ANKRD17: variants seen among roughly 807,000 people sequenced by gnomAD.
ANKRD17 encodes ankyrin repeat domain-containing protein 17.
Under a neutral mutation model 229.7 loss-of-function variants are expected in ANKRD17, and 19 were observed. The observed-to-expected ratio is 0.08, with a 90% CI of 0.06 to 0.12. The LOEUF is 0.12. Among genes scored for constraint, ANKRD17 ranks in the 10% least tolerant of loss-of-function variants. ANKRD17 has a pLI of 1.00. For missense variants in ANKRD17, 2,176 were observed against 3,176.8 expected, an observed-to-expected ratio of 0.68 and a Z score of 7.57; for synonymous variants, 1,112 against 1,146.1, an observed-to-expected ratio of 0.97 and a Z score of 0.60.
intron 24 of ANKRD17, 52 bp from the exon 25 acceptor site, chr4:73,102,599 A>G: frequency 6.4e-7 from 1 of 1,560,736 alleles, no homozygotes; most frequent in Non-Finnish European, 8.6e-7. Context: ...ACCCTGGAGA[A>G]GAAGTTGTCA....
rs778548699 is a variant in ANKRD17 at position 73,125,196 on chromosome 4, C to T, written c.3346+5G>A. On this transcript the variant is annotated splice_donor_5th_base_variant and intron_variant, in intron 17 of 33. Coordinates refer to ENST00000358602, the MANE Select transcript of ANKRD17 (RefSeq NM_032217.5). ...TCCAAAAAATAAAACAAAAGTAGGC[C>T]CTACCTTTCTTGTCTCGGTGCTCTA... is the stretch of plus-strand genomic sequence containing the variant. The T allele has an allele frequency of 6.3e-7, 1 of 1,597,224 alleles. No individual in the cohort carries two copies. The highest frequency in any genetic ancestry group is 8.5e-7 in the Non-Finnish European group (1 of 1,175,392).
chr4:73,193,527 T>C (rs1003388137), intron 1 of ANKRD17, among the ~76,000 whole-genome samples: 2 of 152,194 alleles, frequency 1.3e-5, no homozygotes, highest in Non-Finnish European at 1.5e-5. Context: ...TTCTGGCTTT[T>C]CCCCCCTTTG....
intron 1 of ANKRD17, among the ~76,000 whole-genome samples, chr4:73,238,325 G>A (rs1288004907): frequency 6.6e-6 from 1 of 152,076 alleles, no homozygotes; most frequent in African/African-American, 2.4e-5. Context: ...TGAATTAAGA[G>A]GTATAGGAGG....
rs74854669 is a variant in ANKRD17 at position 73,092,086 on chromosome 4, T to C, written c.5542A>G (p.Thr1848Ala). ...TTVALSSTSQ[T>A]ATALTVPAIS... ...GCAGGCACAGTGAGTGCTGTGGCAGTTTGAGATGTTGATGACAGAGCTACA... is the reference window on the plus strand; with the variant it reads ...GCAGGCACAGTGAGTGCTGTGGCAGCTTGAGATGTTGATGACAGAGCTACA... The change falls in exon 29 of 34, where the codon ACT becomes GCT. Residue 1848 changes from threonine to alanine, a missense_variant. By Grantham distance (58) the Thr-to-Ala change is moderately conservative (BLOSUM62 0). This residue lies in a region of ANKRD17 where 142 missense variants were observed against 200.4 expected (regional missense o/e 0.71). Coordinates refer to ENST00000358602, the MANE Select transcript of ANKRD17 (RefSeq NM_032217.5). 1 of 1,614,152 alleles carries C rather than the reference T, an allele frequency of 6.2e-7. No individual in the cohort carries two copies. Among genetic ancestry groups the C allele is most frequent in the Non-Finnish European group, 8.5e-7 (1 of 1,180,024 alleles).
At chr4:73,099,839 C>G (rs1343546168) in intron 25 of ANKRD17, among the ~76,000 whole-genome samples, 4 of 152,296 alleles carry the variant, frequency 2.6e-5, no homozygotes, top group Non-Finnish European at 5.9e-5. Context: ...CCGTTGCCCT[C>G]CACCTGGGAT....
chr4:73,093,418 C>A (rs1722981888), intron 28 of ANKRD17, among the ~76,000 whole-genome samples: 1 of 120,518 alleles, frequency 8.3e-6, no homozygotes, highest in South Asian at 2.5e-4. Flanking sequence ...ACTCTTGTTG[C>A]CCAGGCTGGA....
chr4:73,140,741 T>C (rs959245343), intron 14 of ANKRD17, among the ~76,000 whole-genome samples: 4 of 152,094 alleles, frequency 2.6e-5, no homozygotes, highest in Admixed American at 2.0e-4. Context: ...CACACACACA[T>C]ACACACAAAA....
intron 24 of ANKRD17, among the ~76,000 whole-genome samples, chr4:73,108,691 G>C (rs528504141): frequency 6.6e-6 from 1 of 152,306 alleles, no homozygotes; most frequent in East Asian, 1.9e-4. Context: ...TGAGTTGTGG[G>C]AGTTGAGAGC....
rs149075173 is a variant in ANKRD17, at chr4:73,164,309, C to A, written c.548-2961G>T. Reference sequence around the variant, plus strand: ...GTTTTAAAAAAATCTCACTTTAAATCTTTATGAACTTCTTGTATCTTCATA... The same window carrying A: ...GTTTTAAAAAAATCTCACTTTAAATATTTATGAACTTCTTGTATCTTCATA... On this transcript the variant is annotated intron_variant, in intron 2 of 33. Transcript: ENST00000358602. 2.4e-3 allele frequency among the ~76,000 whole-genome samples: 371 copies of A among 152,306 alleles called. 4 individuals are homozygous for A. Among genetic ancestry groups the A allele is most frequent in the African/African-American group, 7.9e-3 (330 of 41,574 alleles).
At chr4:73,159,507 G>A (rs1020239275) in intron 3 of ANKRD17, among the ~76,000 whole-genome samples, 1 of 152,064 alleles carries the variant, frequency 6.6e-6, no homozygotes, top group African/African-American at 2.4e-5. Flanking sequence ...ATAAAAATGT[G>A]GCACATAGTA....
intron 1 of ANKRD17, among the ~76,000 whole-genome samples, chr4:73,180,509 A>G (rs1735409750): frequency 6.6e-6 from 1 of 152,174 alleles, no homozygotes; most frequent in Non-Finnish European, 1.5e-5. Context: ...ATAAACACAG[A>G]AACATTTACT....
At chr4:73,177,718 A>AT (rs1356481285) in intron 1 of ANKRD17, among the ~76,000 whole-genome samples, 185 bp from the exon 2 acceptor site, 2 of 152,070 alleles carry the variant, frequency 1.3e-5, no homozygotes, top group East Asian at 1.9e-4. Flanking sequence ...AAAAGAAGAA[A>AT]TTTTTTTGTG....
chr4:73,246,719 C>G (rs568956273), intron 1 of ANKRD17, among the ~76,000 whole-genome samples: 1 of 152,052 alleles, frequency 6.6e-6, no homozygotes, highest in South Asian at 2.1e-4. Context: ...TAAAAGGAAG[C>G]AAGATGACCA....
intron 1 of ANKRD17, among the ~76,000 whole-genome samples, chr4:73,193,535 T>C (rs1012878591): frequency 6.6e-6 from 1 of 152,202 alleles, no homozygotes; most frequent in South Asian, 2.1e-4. Flanking sequence ...TTTCCCCCCT[T>C]TGTAGTTTTA....
At chr4:73,078,238 G>A (rs1206141587) in intron 31 of ANKRD17, among the ~76,000 whole-genome samples, 2 of 152,200 alleles carry the variant, frequency 1.3e-5, no homozygotes, top group African/African-American at 2.4e-5. Context: ...TTAGCCGGGC[G>A]TGGTGGCGGG....
chr4:73,211,060 C>T (rs1740179346), intron 1 of ANKRD17, among the ~76,000 whole-genome samples: 1 of 151,962 alleles, frequency 6.6e-6, no homozygotes, highest in Non-Finnish European at 1.5e-5. Flanking sequence ...TACCTAAATA[C>T]ATAGATGACT....
At chr4:73,239,197 T>C (rs1406113037) in intron 1 of ANKRD17, among the ~76,000 whole-genome samples, 2 of 152,162 alleles carry the variant, frequency 1.3e-5, no homozygotes, top group Non-Finnish European at 2.9e-5. Flanking sequence ...ACCTATCAGA[T>C]CCTATACCAC....
chr4:73,204,201 C>T (rs893586358), intron 1 of ANKRD17, among the ~76,000 whole-genome samples: 1 of 151,298 alleles, frequency 6.6e-6, no homozygotes, highest in Non-Finnish European at 1.5e-5. Flanking sequence ...ACTAAAAATA[C>T]AAAAACAAAA....
At chr4:73,147,494 C>T in intron 8 of ANKRD17, 62 bp from the exon 9 acceptor site, 3 of 1,283,080 alleles carry the variant, frequency 2.3e-6, no homozygotes, top group Non-Finnish European at 3.1e-6. Flanking sequence ...ATATGAAAAA[C>T]ATGATTGTTT....
Sources: gnomAD v4.1 joint callset for allele counts (sites outside exome capture counted in the v4.1 genomes callset) on GRCh38, gnomAD v4.1.1 for gene constraint, gnomAD v4.1.1 regional missense constraint, MANE v1.5 for transcripts, NCBI Gene and HGNC (gene_info 2026-07-23, HGNC 2026-07-21) for gene names.